Variants in RASGEF1C observed in about 807,000 individuals in gnomAD.
RASGEF1C encodes the protein RasGEF domain family member 1C.
In RASGEF1C, 27 loss-of-function variants were observed where a neutral mutation model predicts 58.1. The ratio of observed to expected loss-of-function variants is 0.46; its 90% CI spans 0.34 to 0.64. The LOEUF (loss-of-function observed/expected upper bound fraction) is 0.64, where lower values mean the gene tolerates loss of function less well. Among genes scored for constraint, RASGEF1C ranks in the 30% least tolerant of loss-of-function variants. The probability of loss-of-function intolerance (pLI) is 0.01; values close to 1 mark genes in which losing one functional copy is unlikely to be tolerated. For missense variants in RASGEF1C, 502 were observed against 605.1 expected (o/e 0.83, Z 1.79); for synonymous variants, 243 against 246.3 (o/e 0.99, Z 0.13).
At chr5:180,207,108 G>A (rs1478127363) in intron 1 of RASGEF1C, among the ~76,000 whole-genome samples, 1 of 152,246 alleles carries the variant, frequency 6.6e-6, no homozygotes, top group African/African-American at 2.4e-5. Context: ...GAAGCTAACA[G>A]TGTGTCCGAC....
rs2380149 is a variant in RASGEF1C, at chr5:180,138,522, A to G, written c.-6-464T>C. Among the ~76,000 whole-genome samples, 530 of 152,130 alleles carry G rather than the reference A, an allele frequency of 3.5e-3. 3 individuals carry two copies. The highest frequency in any genetic ancestry group is 0.017 in the Middle Eastern group (5 of 294). ...GCTTTCTTTCCCCCTGGAGTCCTTG[A>G]GCTGGTGGAATGTATGCCCGACGCT... On this transcript the variant is annotated intron_variant, in intron 1 of 13. Coordinates refer to ENST00000361132, the MANE Select transcript of RASGEF1C (RefSeq NM_175062.4).
At chr5:180,144,116 C>T (rs1361957122) in intron 1 of RASGEF1C, among the ~76,000 whole-genome samples, 3 of 152,200 alleles carry the variant, frequency 2.0e-5, no homozygotes, top group Admixed American at 6.5e-5. Flanking sequence ...GCACTCGCCA[C>T]GGGGAGCTCG....
chr5:180,171,685 A>G (rs1165944042), intron 1 of RASGEF1C, among the ~76,000 whole-genome samples: 2 of 152,186 alleles, frequency 1.3e-5, no homozygotes, highest in African/African-American at 4.8e-5. Context: ...TCTGTCTCCA[A>G]GTGATGGCGT....
At chr5:180,135,875 G>A (rs1389133486) in intron 4 of RASGEF1C, among the ~76,000 whole-genome samples, 1 of 152,246 alleles carries the variant, frequency 6.6e-6, no homozygotes, top group Admixed American at 6.5e-5. Context: ...AGGATCTCAG[G>A]AAAATCTGTT....
At chr5:180,176,772 G>GGT (rs1316821919) in intron 1 of RASGEF1C, among the ~76,000 whole-genome samples, 3 of 152,122 alleles carry the variant, frequency 2.0e-5, no homozygotes, top group African/African-American at 7.2e-5. Flanking sequence ...TGGCCAGGAT[G>GGT]GTCTCGATCT....
At chr5:180,122,363 A>C (rs1459257834) in intron 6 of RASGEF1C, among the ~76,000 whole-genome samples, 3 of 152,202 alleles carry the variant, frequency 2.0e-5, no homozygotes, top group Non-Finnish European at 4.4e-5. Context: ...TTGGAAAAAA[A>C]ATTTTTAAAT....
intron 1 of RASGEF1C, among the ~76,000 whole-genome samples, chr5:180,173,306 C>T (rs550535808): frequency 5.3e-5 from 8 of 152,326 alleles, no homozygotes; most frequent in Admixed American, 4.6e-4. Flanking sequence ...GGGGATGCCA[C>T]CACCTCACTG....
At chr5:180,136,772 G>A (rs991941461) in intron 3 of RASGEF1C, 16 of 500,322 alleles carry the variant, frequency 3.2e-5, no homozygotes, top group Non-Finnish European at 5.0e-5. Flanking sequence ...GTGAGTCTTC[G>A]CGCTGCGGGG....
Position 180,121,680 on chromosome 5 carries a change from CACCCT to C in RASGEF1C, c.715-536_715-532del, listed in dbSNP as rs1212944771. On this transcript the variant is annotated intron_variant, in intron 6 of 13. Coordinates refer to ENST00000361132, the MANE Select transcript of RASGEF1C (RefSeq NM_175062.4). ...ACACACACACACACACACACACACA[CACCCT>C]CATTATTCCTGGATCCTGTATTTGC... 1.0e-3 allele frequency among the ~76,000 whole-genome samples: 29 copies of C among 28,168 alleles called. 1 individual carries two copies. The Admixed American group carries it at 0.012, about 12-fold the overall frequency. The allele number at this position is 28,168 out of a possible 152,430, so 18.5% of individuals were successfully genotyped here.
intron 1 of RASGEF1C, among the ~76,000 whole-genome samples, chr5:180,175,840 T>C (rs1219801301): frequency 6.6e-6 from 1 of 151,362 alleles, no homozygotes; most frequent in African/African-American, 2.4e-5. Context: ...TATAAAAAAT[T>C]AGCCGGGCGC....
intron 1 of RASGEF1C, among the ~76,000 whole-genome samples, chr5:180,178,275 CTTTTT>C (rs5873679): frequency 3.1e-5 from 1 of 32,700 alleles, no homozygotes; most frequent in Non-Finnish European, 5.1e-5. Flanking sequence ...ACCCGGCTGG[CTTTTT>C]TTTTTTTTTT....
chr5:180,145,189 C>T (rs1242389870), intron 1 of RASGEF1C, among the ~76,000 whole-genome samples: 1 of 152,170 alleles, frequency 6.6e-6, no homozygotes, highest in Non-Finnish European at 1.5e-5. Context: ...GGTGCAATCT[C>T]AGCTCACTGC....
intron 1 of RASGEF1C, among the ~76,000 whole-genome samples, chr5:180,174,043 C>A (rs934740225): frequency 6.6e-6 from 1 of 151,772 alleles, no homozygotes; most frequent in Admixed American, 6.6e-5. Flanking sequence ...TGGTCCTCCT[C>A]GCTGCTGCTC....
chr5:180,148,271 T>C (rs1265235184), intron 1 of RASGEF1C, among the ~76,000 whole-genome samples: 1 of 152,206 alleles, frequency 6.6e-6, no homozygotes, highest in Non-Finnish European at 1.5e-5. Context: ...CAATATATAG[T>C]TGGATCTTTT....
chr5:180,109,253 G>A lies in RASGEF1C; in HGVS notation c.1303+2204C>T, dbSNP rs187822404. Among the ~76,000 whole-genome samples, 333 of 152,138 alleles carry A rather than the reference G, an allele frequency of 2.2e-3. 2 individuals are homozygous for A. Among genetic ancestry groups the A allele is most frequent in the African/African-American group, 7.5e-3 (313 of 41,520 alleles). Reference sequence around the variant, plus strand: ...GGGTGGATCATGAGGTCAGGAGATTGAGACCATCCTGGCTAACATGGTGAA... The same window carrying A: ...GGGTGGATCATGAGGTCAGGAGATTAAGACCATCCTGGCTAACATGGTGAA... On this transcript the variant is annotated intron_variant, in intron 12 of 13. Transcript: ENST00000361132.
At chr5:180,149,078 CT>C (rs1281032542) in intron 1 of RASGEF1C, among the ~76,000 whole-genome samples, 7 of 97,184 alleles carry the variant, frequency 7.2e-5, no homozygotes, top group East Asian at 3.3e-4. Context: ...TTTTTCTTTT[CT>C]TTTTTTTTCT....
chr5:180,113,231 GGGATGGACGGAGGGACCGA>G (rs1179634719), intron 11 of RASGEF1C, among the ~76,000 whole-genome samples: 2,085 of 50,222 alleles, frequency 0.042, 231 homozygotes, highest in Middle Eastern at 0.061. Context: ...GGAGGGACAG[GGGATGGACGGAGGGACCGA>G]GGATGGACGG....
chr5:180,142,180 A>G (rs937441736), intron 1 of RASGEF1C, among the ~76,000 whole-genome samples: 12 of 151,852 alleles, frequency 7.9e-5, no homozygotes, highest in East Asian at 1.9e-4. Flanking sequence ...AGACCTTTCC[A>G]TTTCTCCCTC....
At chr5:180,190,706 AAAC>A (rs1295706994) in intron 1 of RASGEF1C, among the ~76,000 whole-genome samples, 1 of 151,826 alleles carries the variant, frequency 6.6e-6, no homozygotes, top group Non-Finnish European at 1.5e-5. Context: ...AAAATTACAG[AAAC>A]AACAGTAAAA....
Sources: allele counts gnomAD v4.1 joint callset (sites outside exome capture counted in the v4.1 genomes callset), GRCh38; gene constraint gnomAD v4.1.1; transcripts MANE v1.5; gene names NCBI Gene and HGNC (gene_info 2026-07-23, HGNC 2026-07-21).